The following NOL4 variants were observed in gnomAD, a reference collection of about 807,000 sequenced individuals.
The protein encoded by NOL4 is cancer/testis antigen 125.
Under a neutral mutation model 75.9 loss-of-function variants are expected in NOL4, and 17 were observed. The ratio of observed to expected loss-of-function variants is 0.22; its 90% CI spans 0.15 to 0.34. The LOEUF is 0.34. Ranked by LOEUF, NOL4 falls within the 10% of genes least tolerant of loss-of-function variation. The probability of loss-of-function intolerance (pLI) is 1.00; values close to 1 mark genes in which losing one functional copy is unlikely to be tolerated. For synonymous variants in NOL4, 292 were observed against 289.9 expected, an observed-to-expected ratio of 1.01 and a Z score of -0.07; for missense variants, 614 against 793.5, an observed-to-expected ratio of 0.77 and a Z score of 2.72.
chr18:33,895,784 T>C (rs1399118667), intron 9 of NOL4, among the ~76,000 whole-genome samples: 1 of 152,062 alleles, frequency 6.6e-6, no homozygotes, highest in Non-Finnish European at 1.5e-5. Context: ...CTATTCAACA[T>C]AGTATTGGAA....
intron 5 of NOL4, among the ~76,000 whole-genome samples, chr18:34,030,938 A>T (rs2075609513): frequency 6.6e-6 from 1 of 151,750 alleles, no homozygotes; most frequent in Non-Finnish European, 1.5e-5. Context: ...ATGTAAAAAA[A>T]TAGAAGATTA....
intron 9 of NOL4, among the ~76,000 whole-genome samples, chr18:33,898,615 A>G (rs2065561846): frequency 6.6e-6 from 1 of 152,084 alleles, no homozygotes. Flanking sequence ...TGAAAATGAC[A>G]ATTCTTGTCA....
chr18:33,938,375 T>C (rs1276324231), intron 9 of NOL4, among the ~76,000 whole-genome samples: 1 of 152,130 alleles, frequency 6.6e-6, no homozygotes, highest in Non-Finnish European at 1.5e-5. Flanking sequence ...CTTCTGGGTT[T>C]GAAAATAATA....
chr18:34,003,641 C>A (rs962293332), intron 6 of NOL4, among the ~76,000 whole-genome samples: 10 of 152,114 alleles, frequency 6.6e-5, no homozygotes, highest in East Asian at 1.9e-4. Flanking sequence ...CTTATCTCCT[C>A]TCATTACTGC....
intron 9 of NOL4, among the ~76,000 whole-genome samples, chr18:33,887,137 T>A (rs921577893): frequency 7.6e-5 from 11 of 144,486 alleles, no homozygotes; most frequent in Non-Finnish European, 1.5e-4. Flanking sequence ...TATCTAGATA[T>A]ATCTATATCT....
intron 2 of NOL4, among the ~76,000 whole-genome samples, chr18:34,123,295 A>T (rs2080231614): frequency 6.6e-6 from 1 of 151,530 alleles, no homozygotes; most frequent in South Asian, 2.1e-4. Flanking sequence ...AATAAATTTA[A>T]TTATCATGCT....
intron 4 of NOL4, 114 bp downstream of exon 4, chr18:34,103,933 C>A (rs1247309894): frequency 2.9e-6 from 2 of 689,072 alleles, no homozygotes; most frequent in African/African-American, 1.8e-5. Flanking sequence ...GAGATTCATT[C>A]ATTAAAAAAT....
chr18:33,871,135 A>G (rs1244655633), intron 10 of NOL4, among the ~76,000 whole-genome samples: 1 of 152,116 alleles, frequency 6.6e-6, no homozygotes, highest in Non-Finnish European at 1.5e-5. Flanking sequence ...ACATTTAAAA[A>G]TTAACTTGTG....
chr18:34,210,337 T>C (rs547155685), intron 1 of NOL4, among the ~76,000 whole-genome samples: 1 of 152,368 alleles, frequency 6.6e-6, no homozygotes, highest in South Asian at 2.1e-4. Flanking sequence ...TTCGAAGTTC[T>C]CTTTTTTTCC....
At chr18:33,857,298 A>C (rs1456920670) in intron 10 of NOL4, among the ~76,000 whole-genome samples, 1 of 151,996 alleles carries the variant, frequency 6.6e-6, no homozygotes, top group African/African-American at 2.4e-5. Context: ...TATCCACGCA[A>C]ATCTGCTTGG....
intron 9 of NOL4, among the ~76,000 whole-genome samples, chr18:33,904,001 C>T (rs1028460058): frequency 6.6e-6 from 1 of 152,130 alleles, no homozygotes; most frequent in African/African-American, 2.4e-5. Context: ...GATGGATTCA[C>T]AGATGCCTAA....
intron 5 of NOL4, among the ~76,000 whole-genome samples, chr18:34,077,525 C>G (rs1418090336): frequency 6.6e-6 from 1 of 151,896 alleles, no homozygotes. Flanking sequence ...ATTTAAAGTA[C>G]TTAATTCCCA....
At chr18:33,984,019 G>T (rs2072223338) in intron 6 of NOL4, among the ~76,000 whole-genome samples, 1 of 152,074 alleles carries the variant, frequency 6.6e-6, no homozygotes, top group East Asian at 1.9e-4. Context: ...AAATCATTTG[G>T]GTTTCAACCA....
intron 1 of NOL4, among the ~76,000 whole-genome samples, chr18:34,146,639 T>C (rs920789268): frequency 7.9e-5 from 12 of 152,290 alleles, no homozygotes; most frequent in African/African-American, 2.6e-4. Flanking sequence ...CCTTGTAGTA[T>C]AGTCTGAAGT....
intron 9 of NOL4, among the ~76,000 whole-genome samples, chr18:33,883,798 T>C (rs1383838993): frequency 6.6e-6 from 1 of 152,130 alleles, no homozygotes; most frequent in Non-Finnish European, 1.5e-5. Flanking sequence ...AAAGAAACCC[T>C]GTCATACTAC....
At chr18:34,023,032 T>C (rs1415682787) in intron 5 of NOL4, among the ~76,000 whole-genome samples, 1 of 152,168 alleles carries the variant, frequency 6.6e-6, no homozygotes, top group Non-Finnish European at 1.5e-5. Context: ...CCAAGGTAAC[T>C]AAATTCAACA....
At chr18:34,009,672 G>C (rs1809272920) in intron 6 of NOL4, among the ~76,000 whole-genome samples, 1 of 151,836 alleles carries the variant, frequency 6.6e-6, no homozygotes, top group East Asian at 1.9e-4. Context: ...TCCTGATCGG[G>C]AAATAATTAT....
At chr18:34,081,504 T>G (rs1356576554) in intron 5 of NOL4, among the ~76,000 whole-genome samples, 1 of 152,154 alleles carries the variant, frequency 6.6e-6, no homozygotes, top group Admixed American at 6.5e-5. Flanking sequence ...GAATGCTTTA[T>G]GTAGGAAAAT....
At chr18:34,202,188 T>C (rs1483128514) in intron 1 of NOL4, among the ~76,000 whole-genome samples, 2 of 151,920 alleles carry the variant, frequency 1.3e-5, no homozygotes, top group Non-Finnish European at 2.9e-5. Context: ...TAAGTGTTTA[T>C]TAAGCACTTG....
Sources: allele counts gnomAD v4.1 joint callset (sites outside exome capture counted in the v4.1 genomes callset), GRCh38; gene constraint gnomAD v4.1.1; transcripts MANE v1.5; gene names NCBI Gene and HGNC (gene_info 2026-07-23, HGNC 2026-07-21).